The following DNAH8 variants were observed in gnomAD, a reference collection of about 807,000 sequenced individuals.
DNAH8 encodes the protein axonemal beta dynein heavy chain 8.
A neutral mutation model predicts 562.1 loss-of-function variants in DNAH8; 382 were observed. That is an observed-to-expected ratio of 0.68 (90% CI 0.63 to 0.74). The LOEUF (loss-of-function observed/expected upper bound fraction) is 0.74. Ranked by LOEUF, DNAH8 falls within the 30% of genes least tolerant of loss-of-function variation. The pLI, the probability that DNAH8 is intolerant of heterozygous loss-of-function variation, is 0.00. For synonymous variants in DNAH8, 1,881 were observed against 1,919.4 expected, an observed-to-expected ratio of 0.98 and a Z score of 0.52; for missense variants, 5,203 against 5,620.4, an observed-to-expected ratio of 0.93 and a Z score of 2.37.
chr6:38,962,365 G>A (rs1460032372), intron 82 of DNAH8, among the ~76,000 whole-genome samples: 4 of 151,996 alleles, frequency 2.6e-5, no homozygotes. Context: ...TAAGAATAAT[G>A]GGGAACCAGC....
In DNAH8 at chr6:38,866,640, A is replaced by G. The variant is rs892309036; in HGVS notation, c.6548A>G (p.Gln2183Arg). The G allele has an allele frequency of 5.6e-6, 9 of 1,612,366 alleles. No individual in the cohort carries two copies. The African/African-American group carries it at 9.3e-5, about 17-fold the overall frequency. The change falls in exon 46 of 93, where the codon CAG becomes CGG. Residue 2183 changes from glutamine to arginine, a missense_variant. Coordinates refer to ENST00000327475, the MANE Select transcript of DNAH8 (RefSeq NM_001206927.2). ...GAACTACCAGAAAACCTAAAAATCC[A>G]GTTTAGAACTGTTGCTATGATGGTT... The part of the protein sequence containing the change: ...RQELPENLKI[Q>R]FRTVAMMVPD...
intron 52 of DNAH8, among the ~76,000 whole-genome samples, chr6:38,874,104 C>G (rs1583241756): frequency 2.0e-5 from 1 of 49,000 alleles, no homozygotes; most frequent in Non-Finnish European, 4.2e-5. Context: ...TTCTCTTTCT[C>G]CTTCCTTCCT....
At position 38,864,016 on chromosome 6, in the gene DNAH8, G is replaced by A. The variant is rs747481849; in HGVS notation, c.6454G>A (p.Asp2152Asn). 1.2e-6 allele frequency: 2 copies of A among 1,608,226 alleles called. No individual in the cohort carries two copies. The highest frequency in any genetic ancestry group is 4.5e-5 in the East Asian group (2 of 44,820). The change falls in exon 45 of 93, where the codon GAT becomes AAT. Residue 2152 changes from aspartate to asparagine, a missense_variant. Physicochemically the swap from Asp to Asn is conservative, Grantham distance 23. Around this residue, in one of 6 missense-constraint regions of DNAH8, gnomAD observed 2,176 missense variants for 2,365.1 expected, o/e 0.92. Coordinates refer to ENST00000327475, the MANE Select transcript of DNAH8 (RefSeq NM_001206927.2). ...RKKQFIFSDG[D>N]CVDLNPEFGI... ...GAAACAGTTCATTTTTTCTGATGGT[G>A]ATTGTGTTGATTTAAATCCAGAATT...
intron 88 of DNAH8, among the ~76,000 whole-genome samples, chr6:39,006,854 T>A (rs1278469175): frequency 2.6e-5 from 4 of 152,184 alleles, no homozygotes; most frequent in African/African-American, 9.7e-5. Context: ...ACTTTCTAGT[T>A]TACCCTTATA....
chr6:39,024,380 A>G (rs535709070), intron 91 of DNAH8, among the ~76,000 whole-genome samples: 4 of 152,234 alleles, frequency 2.6e-5, no homozygotes, highest in Non-Finnish European at 5.9e-5. Context: ...AGTGTCTAAT[A>G]CATGGATGCA....
At chr6:38,763,101 G>A (rs1766680363) in intron 11 of DNAH8, 2 of 344,844 alleles carry the variant, frequency 5.8e-6, no homozygotes, top group Non-Finnish European at 5.6e-6. Flanking sequence ...TAAAAGAAAG[G>A]GATAATGACT....
At position 38,971,609 on chromosome 6, in the gene DNAH8, A is replaced by G. The variant is rs1392416546; in HGVS notation, c.12469A>G (p.Met4157Val). ...TGTTACAGAATGTAGAACTATCTCA[A>G]TGGGGCAAGGACAAGAAGTACATGC... ...KLKLECRTIS[M>V]GQGQEVHARK... Residue 4157 changes from methionine to valine, a missense_variant, in exon 83 of 93, where the codon ATG becomes GTG. Met to Val is a conservative substitution (Grantham distance 21). Transcript: ENST00000327475. The G allele has an allele frequency of 2.4e-5, 38 of 1,593,410 alleles. No individual in the cohort carries two copies. The highest frequency in any genetic ancestry group is 3.2e-5 in the Non-Finnish European group (37 of 1,170,858).
intron 12 of DNAH8, among the ~76,000 whole-genome samples, chr6:38,774,682 G>A (rs1447671625): frequency 6.6e-6 from 1 of 152,198 alleles, no homozygotes; most frequent in Non-Finnish European, 1.5e-5. Context: ...AGAGTAATGA[G>A]GTAAGGGGTA....
chr6:38,932,270 G>T (rs112263856), intron 76 of DNAH8, among the ~76,000 whole-genome samples: 5 of 150,016 alleles, frequency 3.3e-5, no homozygotes, highest in African/African-American at 1.2e-4. Context: ...ACTCTCTTAT[G>T]TATAGTCCTT....
chr6:38,993,326 A>G (rs548633401), intron 88 of DNAH8, among the ~76,000 whole-genome samples: 5 of 152,210 alleles, frequency 3.3e-5, no homozygotes, highest in African/African-American at 4.8e-5. Flanking sequence ...TCCACTAGGT[A>G]TAAAGAGTAC....
At position 38,737,054 on chromosome 6, in the gene DNAH8, T is replaced by G. The variant is rs907370856; in HGVS notation, c.763-13T>G. The G allele has an allele frequency of 4.0e-6, 6 of 1,508,828 alleles. No homozygotes were observed. The African/African-American group carries it at 8.6e-5, about 22-fold the overall frequency. 93.5% of individuals were successfully genotyped at this position (1,508,828 alleles called of 1,614,324 possible). Reference sequence around the variant, plus strand: ...TTAGCATGTAAAATAACATTTAAACTCCACCCTTTCAGGAAGCGCTCTTTA... The same window carrying G: ...TTAGCATGTAAAATAACATTTAAACGCCACCCTTTCAGGAAGCGCTCTTTA... On this transcript the variant is annotated splice_polypyrimidine_tract_variant and intron_variant, in intron 5 of 92. Coordinates refer to ENST00000327475, the MANE Select transcript of DNAH8 (RefSeq NM_001206927.2).
At chr6:38,884,865 C>T (rs1459952503) in intron 56 of DNAH8, among the ~76,000 whole-genome samples, 1 of 152,204 alleles carries the variant, frequency 6.6e-6, no homozygotes, top group African/African-American at 2.4e-5. Context: ...CATTAGAAGA[C>T]TTCACCGGTG....
chr6:38,754,405 T>C (rs1765734296), intron 9 of DNAH8, among the ~76,000 whole-genome samples: 1 of 152,146 alleles, frequency 6.6e-6, no homozygotes, highest in Non-Finnish European at 1.5e-5. Context: ...ATAATATGAA[T>C]TCTGGCCTAG....
At chr6:38,933,683 A>T (rs1782732547) in intron 76 of DNAH8, among the ~76,000 whole-genome samples, 1 of 152,218 alleles carries the variant, frequency 6.6e-6, no homozygotes, top group Non-Finnish European at 1.5e-5. Flanking sequence ...AAATACAGCA[A>T]TGCTCTTTAT....
chr6:38,896,140 T>A lies in DNAH8; in HGVS notation c.8855T>A (p.Phe2952Tyr). Reference protein sequence around the residue: ...AASCILPEPYFVDFLREMPEP... With the variant: ...AASCILPEPYYVDFLREMPEP... ...TCGTGTATTCTTCCTGAACCATACT[T>A]TGTGGATTTTCTTCGTGAGATGCCA... Residue 2952 changes from phenylalanine to tyrosine, a missense_variant, in exon 60 of 93, where the codon TTT (phenylalanine) becomes TAT (tyrosine). By Grantham distance (22) the Phe-to-Tyr change is conservative. Coordinates refer to ENST00000327475, the MANE Select transcript of DNAH8 (RefSeq NM_001206927.2). The A allele has an allele frequency of 6.2e-7, 1 of 1,613,788 alleles. No homozygotes were observed. The highest frequency in any genetic ancestry group is 8.5e-7 in the Non-Finnish European group (1 of 1,179,880).
chr6:38,949,888 A>G (rs1390144499), intron 81 of DNAH8, among the ~76,000 whole-genome samples: 1 of 152,184 alleles, frequency 6.6e-6, no homozygotes, highest in Admixed American at 6.5e-5. Context: ...CACTTTGTTC[A>G]TGATTTACCA....
intron 75 of DNAH8, chr6:38,931,432 C>A (rs1782543407): frequency 6.5e-6 from 1 of 152,802 alleles, no homozygotes; most frequent in Non-Finnish European, 1.5e-5. Context: ...CAGTAGGAAA[C>A]AATTTTCTTA....
intron 79 of DNAH8, among the ~76,000 whole-genome samples, chr6:38,942,900 G>T (rs1486065296): frequency 6.6e-6 from 1 of 152,234 alleles, no homozygotes; most frequent in Non-Finnish European, 1.5e-5. Context: ...TTGAAAGAGG[G>T]TGGGTAAACC....
At chr6:38,793,362 A>G (rs1411515649) in intron 21 of DNAH8, among the ~76,000 whole-genome samples, 2 of 151,932 alleles carry the variant, frequency 1.3e-5, no homozygotes, top group Non-Finnish European at 2.9e-5. Context: ...TTCAAGTTTA[A>G]GATGATTATA....
Sources: gnomAD v4.1 joint callset for allele counts (sites outside exome capture counted in the v4.1 genomes callset) on GRCh38, gnomAD v4.1.1 for gene constraint, gnomAD v4.1.1 regional missense constraint, MANE v1.5 for transcripts, NCBI Gene and HGNC (gene_info 2026-07-23, HGNC 2026-07-21) for gene names.